ARHGEF6: variants seen among roughly 807,000 people sequenced by gnomAD.
ARHGEF6 encodes the protein rho guanine nucleotide exchange factor 6.
ARHGEF6 carries 9 observed loss-of-function variants against 70.3 expected under a neutral mutation model. That is an observed-to-expected ratio of 0.13 (90% CI 0.08 to 0.22). The LOEUF (loss-of-function observed/expected upper bound fraction) is 0.22. Among genes scored for constraint, ARHGEF6 ranks in the 10% least tolerant of loss-of-function variants. The pLI, the probability that ARHGEF6 is intolerant of heterozygous loss-of-function variation, is 1.00. For missense variants in ARHGEF6, 470 were observed against 563.0 expected, an observed-to-expected ratio of 0.83 and a Z score of 1.67; for synonymous variants, 201 against 207.8, an observed-to-expected ratio of 0.97 and a Z score of 0.28.
intron 9 of ARHGEF6, among the ~76,000 whole-genome samples, chrX:136,696,185 T>C (rs1225787746): frequency 9.1e-6 from 1 of 110,396 alleles, no homozygotes; most frequent in East Asian, 2.8e-4. Flanking sequence ...ATTAAAAAAG[T>C]GATAAAAAGT....
chrX:136,686,684 A>G (rs1371076065), intron 11 of ARHGEF6, among the ~76,000 whole-genome samples: 1 of 60,666 alleles, frequency 1.6e-5, no homozygotes, highest in Non-Finnish European at 2.8e-5. Context: ...ATATACACAT[A>G]TATATATATA....
At position 136,686,639 on chromosome X, in the gene ARHGEF6, TATAC is replaced by T. The variant is rs1223191629; in HGVS notation, c.1246-820_1246-817del. On this transcript the variant is annotated intron_variant, in intron 11 of 21. Coordinates refer to ENST00000250617, the MANE Select transcript of ARHGEF6 (RefSeq NM_004840.3). ...ATATATATACACATATATATATATATATACACACATATATATATACACATGTGTA... is the reference window on the plus strand; with the variant it reads ...ATATATATACACATATATATATATATACACATATATATATACACATGTGTA... Among the ~76,000 whole-genome samples, 487 of 70,947 alleles carry T rather than the reference TATAC, an allele frequency of 6.9e-3. 11 individuals carry two copies. The highest frequency in any genetic ancestry group is 0.032 in the African/African-American group (433 of 13,330). The allele number at this position is 70,947 out of a possible 115,157, so 61.6% of individuals were successfully genotyped here. A position where few individuals can be genotyped will look rare whatever the true frequency, so the allele number is the denominator to read the frequency against.
rs1042499878 is a variant in ARHGEF6 at position 136,669,426 on chromosome X, G to A, written c.2190+56C>T. 15 of 1,095,351 alleles carry A rather than the reference G, an allele frequency of 1.4e-5. No individual in the cohort carries two copies. In the South Asian group the frequency reaches 2.6e-4, roughly 19 times the overall value. 90.3% of individuals were successfully genotyped at this position (1,095,351 alleles called of 1,213,427 possible). A position where few individuals can be genotyped will look rare whatever the true frequency, so the allele number is the denominator to read the frequency against. ...TTCCCTGAAAGCATGAGCAGCGTGA[G>A]GCAAGAAAAAGAGAATGGTTCTATT... On this transcript the variant is annotated intron_variant, in intron 21 of 21. Coordinates refer to ENST00000250617, the MANE Select transcript of ARHGEF6 (RefSeq NM_004840.3).
intron 2 of ARHGEF6, among the ~76,000 whole-genome samples, chrX:136,750,145 C>A (rs2077135199): frequency 9.0e-6 from 1 of 111,358 alleles, no homozygotes; most frequent in Non-Finnish European, 1.9e-5. Context: ...AAGGAGAATT[C>A]CCCAATGTAG....
At chrX:136,751,511 G>A (rs1328448953) in intron 2 of ARHGEF6, among the ~76,000 whole-genome samples, 1 of 111,616 alleles carries the variant, frequency 9.0e-6, no homozygotes, top group Non-Finnish European at 1.9e-5. Flanking sequence ...ATATTGCTAT[G>A]ATCTGAATGT....
Position 136,690,706 on chromosome X carries a change from G to A in ARHGEF6, c.1089C>T (p.Ser363=). 1 of 1,210,382 alleles carries A rather than the reference G, an allele frequency of 8.3e-7. No homozygotes were observed. Among genetic ancestry groups the A allele is most frequent in the Non-Finnish European group, 1.1e-6 (1 of 894,484 alleles). Residue 363 remains serine (S), a synonymous_variant, in exon 10 of 22, where the codon AGC becomes AGT. Transcript: ENST00000250617. ...TTGTTGTTAAAATGAGGATACCTGGGCTCGATGCACCTTGATTTTCCATGA... is the reference window on the plus strand; with the variant it reads ...TTGTTGTTAAAATGAGGATACCTGGACTCGATGCACCTTGATTTTCCATGA... The part of the protein sequence containing the change: ...EQFMENQGAS[S]PGILILTTNL...
Position 136,751,932 on chromosome X carries a change from C to T in ARHGEF6, c.250-4340G>A, listed in dbSNP as rs1440324532. On this transcript the variant is annotated intron_variant, in intron 2 of 21. Coordinates refer to ENST00000250617, the MANE Select transcript of ARHGEF6 (RefSeq NM_004840.3). Reference sequence around the variant, plus strand: ...ATGATGTCAGTACAATTATTTTCCCCATTCCACGGATGAGTAAACTAAGAC... The same window carrying T: ...ATGATGTCAGTACAATTATTTTCCCTATTCCACGGATGAGTAAACTAAGAC... Among the ~76,000 whole-genome samples the T allele has an allele frequency of 8.1e-5, 9 of 111,544 alleles. No individual in the cohort carries two copies. In the East Asian group the frequency reaches 2.2e-3, roughly 28 times the overall value.
chrX:136,755,294 G>A (rs993455645), intron 2 of ARHGEF6, among the ~76,000 whole-genome samples: 2 of 112,009 alleles, frequency 1.8e-5, no homozygotes, highest in Admixed American at 9.4e-5. Context: ...ATGAACAAAT[G>A]CCCTAGACAT....
chrX:136,780,061 T>A (rs1308715764), intron 1 of ARHGEF6, among the ~76,000 whole-genome samples: 1 of 112,216 alleles, frequency 8.9e-6, no homozygotes, highest in Admixed American at 9.4e-5. Context: ...ATTGTACCTT[T>A]AAGCTTACTT....
chrX:136,670,672 G>A (rs2076216284), intron 20 of ARHGEF6, among the ~76,000 whole-genome samples: 1 of 110,772 alleles, frequency 9.0e-6, no homozygotes, highest in Non-Finnish European at 1.9e-5. Flanking sequence ...CTAGCTTTGG[G>A]GCAGGAATGA....
chrX:136,721,899 T>C (rs1182431727), intron 6 of ARHGEF6, among the ~76,000 whole-genome samples: 2 of 111,276 alleles, frequency 1.8e-5, no homozygotes, highest in Non-Finnish European at 3.8e-5. Context: ...TATATTGTAC[T>C]CTTAAAAAAT....
intron 20 of ARHGEF6, among the ~76,000 whole-genome samples, chrX:136,670,479 C>T (rs1469768958): frequency 8.9e-6 from 1 of 111,796 alleles, no homozygotes; most frequent in Non-Finnish European, 1.9e-5. Flanking sequence ...AGAGGGCCAA[C>T]TGTAGTCAAC....
At chrX:136,732,839 AC>A (rs991538890) in intron 5 of ARHGEF6, among the ~76,000 whole-genome samples, 3 of 111,416 alleles carry the variant, frequency 2.7e-5, no homozygotes, top group Non-Finnish European at 3.8e-5. Context: ...TCAGTATGTA[AC>A]CCCATTGTAA....
Position 136,732,109 on chromosome X carries a change from TA to T in ARHGEF6, c.724del (p.Tyr242IlefsTer27). On this transcript the variant is annotated frameshift_variant, in exon 6 of 22. Coordinates refer to ENST00000250617, the MANE Select transcript of ARHGEF6 (RefSeq NM_004840.3). LOFTEE classifies it high-confidence loss of function. ...CATCATCTGAACACTTACCACAGTA[TA>T]ATAATTCTTGGTAAGTGGAGCAGTT... is the stretch of plus-strand genomic sequence containing the variant. ...FETAPLTKNY[Y>X]TVVLQNILDT... 1 of 1,205,612 alleles carries T rather than the reference TA, an allele frequency of 8.3e-7. No individual in the cohort carries two copies. The highest frequency in any genetic ancestry group is 1.1e-6 in the Non-Finnish European group (1 of 890,735).
intron 2 of ARHGEF6, among the ~76,000 whole-genome samples, chrX:136,770,561 C>A (rs189146777): frequency 8.9e-6 from 1 of 112,117 alleles, no homozygotes; most frequent in Non-Finnish European, 1.9e-5. Flanking sequence ...TAAAAGGCAT[C>A]CAGATTGTAA....
chrX:136,683,870 C>T (rs1367817568), intron 12 of ARHGEF6, among the ~76,000 whole-genome samples: 3 of 111,374 alleles, frequency 2.7e-5, no homozygotes, highest in Non-Finnish European at 5.7e-5. Flanking sequence ...CCTCTACAGA[C>T]ACCTCTTCTT....
At chrX:136,676,223 A>G (rs2076280663) in intron 18 of ARHGEF6, among the ~76,000 whole-genome samples, 1 of 112,300 alleles carries the variant, frequency 8.9e-6, no homozygotes, top group Admixed American at 9.4e-5. Flanking sequence ...AGTAACTGAG[A>G]GCATCACTGA....
rs1222842677 is a variant in ARHGEF6 at position 136,680,680 on chromosome X, G to A, written c.1704+51C>T. 5 of 1,185,801 alleles carry A rather than the reference G, an allele frequency of 4.2e-6. No individual in the cohort carries two copies. In the African/African-American group the frequency reaches 8.8e-5, roughly 21 times the overall value. ...CTTCTTGTAAGTCTCCAGCAGGCAG[G>A]AGTTGACGAAAGACTCAATAATCTC... is the stretch of plus-strand genomic sequence containing the variant. On this transcript the variant is annotated intron_variant, in intron 15 of 21. Coordinates refer to ENST00000250617, the MANE Select transcript of ARHGEF6 (RefSeq NM_004840.3).
At chrX:136,775,721 A>G (rs964499364) in intron 2 of ARHGEF6, among the ~76,000 whole-genome samples, 2 of 111,621 alleles carry the variant, frequency 1.8e-5, no homozygotes, top group African/African-American at 6.5e-5. Flanking sequence ...AGAAAGAAAT[A>G]AGGGGCATCC....
Sources: gnomAD v4.1 joint callset for allele counts (sites outside exome capture counted in the v4.1 genomes callset) on GRCh38, gnomAD v4.1.1 for gene constraint, MANE v1.5 for transcripts, NCBI Gene and HGNC (gene_info 2026-07-23, HGNC 2026-07-21) for gene names.